NAALADL2: variants seen among roughly 807,000 people sequenced by gnomAD.
NAALADL2 encodes N-acetylated alpha-linked acidic dipeptidase like 2, also known as inactive N-acetylated-alpha-linked acidic dipeptidase-like protein 2.
Under a neutral mutation model 87.2 loss-of-function variants are expected in NAALADL2, and 76 were observed. The ratio of observed to expected loss-of-function variants is 0.87; its 90% confidence interval spans 0.72 to 1.05. NAALADL2 has a LOEUF of 1.05. Among genes scored for constraint, NAALADL2 ranks in the 50% least tolerant of loss-of-function variants. The pLI is 0.00. For synonymous variants in NAALADL2, 354 were observed against 331.0 expected (o/e 1.07, Z -0.75); for missense variants, 1,089 against 945.8 (o/e 1.15, Z -1.99).
intron 1 of NAALADL2, among the ~76,000 whole-genome samples, chr3:174,513,830 GA>G (rs1560023856): frequency 6.6e-6 from 1 of 152,198 alleles, no homozygotes; most frequent in Non-Finnish European, 1.5e-5. Context: ...CATGAAATAT[GA>G]GACATCTGTT....
chr3:175,799,433 T>G (rs545173925), intron 13 of NAALADL2, among the ~76,000 whole-genome samples: 3 of 152,264 alleles, frequency 2.0e-5, no homozygotes, highest in African/African-American at 7.2e-5. Flanking sequence ...CATATATATA[T>G]CCATTTATAT....
chr3:174,901,348 G>T (rs1202937139), intron 1 of NAALADL2, among the ~76,000 whole-genome samples: 1 of 152,112 alleles, frequency 6.6e-6, no homozygotes, highest in Non-Finnish European at 1.5e-5. Flanking sequence ...AAGTACATGA[G>T]CCCTGTCTCT....
At chr3:175,194,074 A>G (rs1738624647) in intron 2 of NAALADL2, among the ~76,000 whole-genome samples, 1 of 151,916 alleles carries the variant, frequency 6.6e-6, no homozygotes, top group Non-Finnish European at 1.5e-5. Flanking sequence ...GAAGTGCAGA[A>G]TGTCATTGTA....
At chr3:175,073,328 A>G (rs914728101) in intron 1 of NAALADL2, among the ~76,000 whole-genome samples, 2 of 152,106 alleles carry the variant, frequency 1.3e-5, no homozygotes, top group Non-Finnish European at 2.9e-5. Context: ...GCCCTCTAAC[A>G]AAGAAGTGAT....
At chr3:174,803,518 G>C (rs908834325) in intron 3 of NAALADL2, among the ~76,000 whole-genome samples, 2 of 152,040 alleles carry the variant, frequency 1.3e-5, no homozygotes, top group African/African-American at 2.4e-5. Flanking sequence ...TGTTGCTTTT[G>C]GTGTTTTAGT....
rs960635563 is a variant in NAALADL2 at position 175,436,377 on chromosome 3, G to A, written c.1091-10852G>A. 3.4e-5 allele frequency among the ~76,000 whole-genome samples: 5 copies of A among 149,040 alleles called. No homozygotes were observed. In the Admixed American group the frequency reaches 3.4e-4, roughly 10 times the overall value. ...TTGGGTATATACCCACTAATGGGAT[G>A]GCTGGGTCAAATGGTATTTCTAGTT... On this transcript the variant is annotated intron_variant, in intron 5 of 13. Coordinates refer to ENST00000454872, the MANE Select transcript of NAALADL2 (RefSeq NM_207015.3).
intron 1 of NAALADL2, among the ~76,000 whole-genome samples, chr3:175,094,256 A>G (rs1720713514): frequency 6.6e-6 from 1 of 151,884 alleles, no homozygotes; most frequent in Non-Finnish European, 1.5e-5. Context: ...AGAAGTAAAT[A>G]TAATATCATT....
intron 11 of NAALADL2, among the ~76,000 whole-genome samples, chr3:175,659,586 A>G (rs905300702): frequency 6.6e-6 from 1 of 152,188 alleles, no homozygotes; most frequent in Non-Finnish European, 1.5e-5. Flanking sequence ...CTTGATGATA[A>G]GTTCAATATT....
intron 5 of NAALADL2, among the ~76,000 whole-genome samples, chr3:175,354,468 T>C (rs1187730525): frequency 6.6e-6 from 1 of 152,172 alleles, no homozygotes; most frequent in Non-Finnish European, 1.5e-5. Flanking sequence ...AAATATTTTT[T>C]CAGAATCTTG....
chr3:175,154,208 T>C (rs1731965933), intron 2 of NAALADL2, among the ~76,000 whole-genome samples: 1 of 152,160 alleles, frequency 6.6e-6, no homozygotes, highest in Non-Finnish European at 1.5e-5. Context: ...AAAGAGATTT[T>C]CTGGTACCTT....
At chr3:174,895,774 ATAAATAT>A (rs1267811200) in intron 1 of NAALADL2, among the ~76,000 whole-genome samples, 1 of 152,176 alleles carries the variant, frequency 6.6e-6, no homozygotes, top group Non-Finnish European at 1.5e-5. Context: ...AATAACTCTG[ATAAATAT>A]TGAATAAAAA....
intron 2 of NAALADL2, among the ~76,000 whole-genome samples, chr3:175,200,767 C>G (rs1739901245): frequency 6.6e-6 from 1 of 152,172 alleles, no homozygotes; most frequent in African/African-American, 2.4e-5. Context: ...GAGACTCTTT[C>G]CTGCAAACTT....
chr3:175,677,777 AAAGTG>A (rs776457136), intron 11 of NAALADL2, among the ~76,000 whole-genome samples: 17 of 152,194 alleles, frequency 1.1e-4, no homozygotes, highest in African/African-American at 1.7e-4. Flanking sequence ...CTTCATAGGC[AAAGTG>A]AAGTGAAGGA....
intron 10 of NAALADL2, among the ~76,000 whole-genome samples, chr3:175,619,140 C>T (rs1560860420): frequency 6.6e-6 from 1 of 151,934 alleles, no homozygotes; most frequent in Non-Finnish European, 1.5e-5. Context: ...GGAGCATCTC[C>T]TCCATTGCTT....
At chr3:174,750,851 T>C (rs1734753272) in intron 3 of NAALADL2, among the ~76,000 whole-genome samples, 1 of 152,220 alleles carries the variant, frequency 6.6e-6, no homozygotes, top group African/African-American at 2.4e-5. Flanking sequence ...AGATCTTTCA[T>C]ATATCTCATA....
intron 2 of NAALADL2, among the ~76,000 whole-genome samples, chr3:174,638,595 TAAA>T (rs922985253): frequency 6.6e-6 from 1 of 151,718 alleles, no homozygotes; most frequent in African/African-American, 2.4e-5. Context: ...GGTTTTTTTT[TAAA>T]AAAAACTTGA....
chr3:175,034,813 C>T (rs927624916), intron 1 of NAALADL2, among the ~76,000 whole-genome samples: 14 of 152,156 alleles, frequency 9.2e-5, no homozygotes, highest in African/African-American at 3.4e-4. Flanking sequence ...TGTGAGTTAG[C>T]ACAAAGCACT....
intron 4 of NAALADL2, among the ~76,000 whole-genome samples, chr3:175,312,547 G>A (rs898410302): frequency 1.3e-5 from 2 of 151,754 alleles, no homozygotes; most frequent in Admixed American, 1.3e-4. Flanking sequence ...CATTTGATGT[G>A]TTTTATAAAT....
chr3:174,520,647 C>T (rs895221667), intron 1 of NAALADL2, among the ~76,000 whole-genome samples: 4 of 151,890 alleles, frequency 2.6e-5, no homozygotes, highest in African/African-American at 9.7e-5. Context: ...CTGGCCTAGG[C>T]AAAGAATTTA....
Sources: gnomAD v4.1 joint callset for allele counts (sites outside exome capture counted in the v4.1 genomes callset) on GRCh38, gnomAD v4.1.1 for gene constraint, MANE v1.5 for transcripts, NCBI Gene and HGNC (gene_info 2026-07-23, HGNC 2026-07-21) for gene names.